The following DISC1 variants were observed in gnomAD, a reference collection of about 807,000 sequenced individuals.
DISC1 encodes the protein disrupted in schizophrenia 1 protein.
A neutral mutation model predicts 84.5 loss-of-function variants in DISC1; 57 were observed. That is an observed-to-expected ratio of 0.67 (90% confidence interval 0.55 to 0.84). The LOEUF is 0.84. Among genes scored for constraint, DISC1 ranks in the 40% least tolerant of loss-of-function variants. DISC1 has a pLI of 0.00. For missense variants in DISC1, 1,000 were observed against 1,057.8 expected (o/e 0.95, Z 0.76); for synonymous variants, 411 against 415.2 (o/e 0.99, Z 0.12).
At position 231,928,379 on chromosome 1, in the gene DISC1, G is replaced by A. The variant is rs1198186447; in HGVS notation, c.1982-30449G>A. 3.9e-5 allele frequency among the ~76,000 whole-genome samples: 6 copies of A among 152,226 alleles called. No homozygotes were observed. The East Asian group carries it at 7.7e-4, about 20-fold the overall frequency. On this transcript the variant is annotated intron_variant, in intron 9 of 12. Transcript: ENST00000439617. ...ATGATTTTTGGTTATTTTCTGCATA[G>A]GCATCCTCAGTATGGAAGGCTGTGC...
intron 9 of DISC1, among the ~76,000 whole-genome samples, chr1:231,886,345 A>G (rs1394633243): frequency 2.0e-5 from 3 of 152,242 alleles, no homozygotes; most frequent in Admixed American, 1.3e-4. Flanking sequence ...AAATCTTCAA[A>G]ACTCTTGGGT....
intron 1 of DISC1, among the ~76,000 whole-genome samples, chr1:231,672,285 C>G (rs1030526032): frequency 2.6e-5 from 4 of 152,092 alleles, no homozygotes; most frequent in African/African-American, 9.7e-5. Context: ...CTGATTTGAC[C>G]TCAGTTGGGG....
Position 231,694,198 on chromosome 1 carries a change from T to C in DISC1, c.440T>C (p.Phe147Ser). Residue 147 changes from phenylalanine to serine, a missense_variant, in exon 2 of 13, where the codon TTT becomes TCT. By Grantham distance (155) the Phe-to-Ser change is radical (BLOSUM62 -2). Coordinates refer to ENST00000439617, the MANE Select transcript of DISC1 (RefSeq NM_018662.3). ...GGGAGTGCTGGGTGGCAGCAAGAGT[T>C]TGCAGCCATGGATAGTTCTGAGACC... ...GPGSAGWQQE[F>S]AAMDSSETLD... 2 of 1,614,156 alleles carry C rather than the reference T, an allele frequency of 1.2e-6. No homozygotes were observed. The highest frequency in any genetic ancestry group is 1.7e-6 in the Non-Finnish European group (2 of 1,180,006).
chr1:231,650,859 A>G (rs572383371), intron 1 of DISC1, among the ~76,000 whole-genome samples: 3 of 152,304 alleles, frequency 2.0e-5, no homozygotes, highest in African/African-American at 7.2e-5. Flanking sequence ...CAAATCAGCT[A>G]TTGAAGCTTG....
intron 10 of DISC1, among the ~76,000 whole-genome samples, chr1:232,004,958 T>G (rs865897073): frequency 9.1e-6 from 1 of 109,512 alleles, no homozygotes; most frequent in Non-Finnish European, 2.0e-5. Context: ...CCTTCCTTCC[T>G]TCCTTCCTTC....
intron 3 of DISC1, among the ~76,000 whole-genome samples, chr1:231,722,341 G>T (rs970522053): frequency 1.3e-5 from 2 of 152,136 alleles, no homozygotes; most frequent in African/African-American, 4.8e-5. Flanking sequence ...AATGACCATG[G>T]TATTTGATAC....
intron 11 of DISC1, among the ~76,000 whole-genome samples, chr1:232,015,256 TTGCTCCA>T (rs1401318469): frequency 2.0e-5 from 3 of 152,086 alleles, no homozygotes; most frequent in Non-Finnish European, 2.9e-5. Flanking sequence ...TGGTGGAACC[TTGCTCCA>T]TGCTCCAGGG....
intron 1 of DISC1, among the ~76,000 whole-genome samples, chr1:231,644,344 T>C (rs1469534183): frequency 6.6e-6 from 1 of 152,242 alleles, no homozygotes; most frequent in African/African-American, 2.4e-5. Flanking sequence ...CTTACCTTCC[T>C]GTGCTTTGCT....
chr1:231,943,794 G>C (rs747595228), intron 9 of DISC1: 2 of 151,402 alleles, frequency 1.3e-5, no homozygotes, highest in Non-Finnish European at 2.9e-5. Flanking sequence ...TGCAATCTTG[G>C]CTCACTGCAA....
At chr1:232,002,128 T>C (rs992959170) in intron 10 of DISC1, among the ~76,000 whole-genome samples, 7 of 152,040 alleles carry the variant, frequency 4.6e-5, no homozygotes, top group Non-Finnish European at 4.4e-5. Context: ...GAAAAGATAG[T>C]CAACATCATT....
chr1:231,649,651 C>T lies in DISC1; in HGVS notation c.67+22717C>T, dbSNP rs192327625. Among the ~76,000 whole-genome samples, 415 of 152,196 alleles carry T rather than the reference C, an allele frequency of 2.7e-3. 1 individual carries two copies. The highest frequency in any genetic ancestry group is 4.7e-3 in the Non-Finnish European group (317 of 67,984). ...TTGTTGATCTGTCTAATATTGACAG[C>T]GGGGTGTTAAAAGTCTCCCATTATT... On this transcript the variant is annotated intron_variant, in intron 1 of 12. Coordinates refer to ENST00000439617, the MANE Select transcript of DISC1 (RefSeq NM_018662.3).
chr1:231,736,228 T>G (rs2072469371), intron 3 of DISC1, among the ~76,000 whole-genome samples: 1 of 152,100 alleles, frequency 6.6e-6, no homozygotes. Flanking sequence ...GATCCCCCAG[T>G]ATCCAGGGAC....
chr1:231,633,305 A>T (rs1405382792), intron 1 of DISC1, among the ~76,000 whole-genome samples: 2 of 152,206 alleles, frequency 1.3e-5, no homozygotes, highest in Admixed American at 6.5e-5. Context: ...TTGATGGAAT[A>T]GGCTACCCCG....
At chr1:231,815,840 A>T (rs573428566) in intron 8 of DISC1, among the ~76,000 whole-genome samples, 2 of 152,006 alleles carry the variant, frequency 1.3e-5, no homozygotes, top group Admixed American at 6.6e-5. Flanking sequence ...TTGCATAGCT[A>T]TAGTATTATT....
intron 6 of DISC1, among the ~76,000 whole-genome samples, chr1:231,781,468 A>T (rs562755048): frequency 1.3e-5 from 2 of 152,232 alleles, no homozygotes; most frequent in South Asian, 4.1e-4. Flanking sequence ...TTTCAACTGG[A>T]GCCCCATGGA....
intron 3 of DISC1, among the ~76,000 whole-genome samples, chr1:231,730,040 C>T (rs2071309560): frequency 6.6e-6 from 1 of 152,104 alleles, no homozygotes; most frequent in African/African-American, 2.4e-5. Flanking sequence ...CAGCAATTAC[C>T]ACTAAAAGGG....
chr1:231,723,051 G>A (rs2070072554), intron 3 of DISC1: 1 of 1,048,572 alleles, frequency 9.5e-7, no homozygotes, highest in Admixed American at 5.0e-5. Flanking sequence ...ATGTACTACA[G>A]TTGTCCCTTG....
intron 10 of DISC1, among the ~76,000 whole-genome samples, chr1:231,995,083 A>G (rs1330259498): frequency 2.0e-5 from 3 of 152,242 alleles, no homozygotes; most frequent in Admixed American, 2.0e-4. Context: ...TCAGTGGAAA[A>G]TAGTATTACT....
intron 6 of DISC1, among the ~76,000 whole-genome samples, chr1:231,792,847 A>C (rs2078451941): frequency 6.6e-6 from 1 of 152,210 alleles, no homozygotes; most frequent in Non-Finnish European, 1.5e-5. Flanking sequence ...GCAGGATTCC[A>C]AACATTGTTT....
Sources: gnomAD v4.1 joint callset for allele counts (sites outside exome capture counted in the v4.1 genomes callset) on GRCh38, gnomAD v4.1.1 for gene constraint, MANE v1.5 for transcripts, NCBI Gene and HGNC (gene_info 2026-07-23, HGNC 2026-07-21) for gene names.